The following ST8SIA1 variants were observed in gnomAD, a reference collection of about 807,000 sequenced individuals.
ST8SIA1 encodes the protein ST8 alpha-N-acetyl-neuraminide alpha-2,8-sialyltransferase 1, also known as alpha-N-acetylneuraminide alpha-2,8-sialyltransferase.
In ST8SIA1, 16 loss-of-function variants were observed where a neutral mutation model predicts 35.9. That is an observed-to-expected ratio of 0.45 (90% CI 0.30 to 0.68). The LOEUF (loss-of-function observed/expected upper bound fraction) is 0.68. Ranked by LOEUF, ST8SIA1 falls within the 30% of genes least tolerant of loss-of-function variation. ST8SIA1 has a pLI of 0.09. For synonymous variants in ST8SIA1, 170 were observed against 169.6 expected, an observed-to-expected ratio of 1.00 and a Z score of -0.02; for missense variants, 383 against 453.6, an observed-to-expected ratio of 0.84 and a Z score of 1.41.
At chr12:22,216,301 G>A (rs1222389254) in intron 4 of ST8SIA1, among the ~76,000 whole-genome samples, 6 of 152,278 alleles carry the variant, frequency 3.9e-5, no homozygotes, top group African/African-American at 1.4e-4. Context: ...TTCAGATAAA[G>A]TCTAAGCATG....
intron 1 of ST8SIA1, among the ~76,000 whole-genome samples, chr12:22,318,954 G>C (rs1866551188): frequency 6.6e-6 from 1 of 152,086 alleles, no homozygotes; most frequent in Non-Finnish European, 1.5e-5. Flanking sequence ...GCTCTTTGTG[G>C]CTCAGTTTCT....
intron 4 of ST8SIA1, among the ~76,000 whole-genome samples, chr12:22,237,165 C>T (rs1436350335): frequency 6.6e-6 from 1 of 152,146 alleles, no homozygotes; most frequent in Non-Finnish European, 1.5e-5. Flanking sequence ...GTGGCATGAT[C>T]ACAGCTCACT....
chr12:22,300,395 A>G (rs1014411633), intron 1 of ST8SIA1, among the ~76,000 whole-genome samples: 10 of 152,168 alleles, frequency 6.6e-5, no homozygotes, highest in African/African-American at 1.9e-4. Flanking sequence ...TCAATTCCTC[A>G]GTAAATTAAC....
At chr12:22,272,299 C>G (rs953544180) in intron 2 of ST8SIA1, among the ~76,000 whole-genome samples, 3 of 152,116 alleles carry the variant, frequency 2.0e-5, no homozygotes, top group African/African-American at 7.2e-5. Context: ...AAAAGCAGTC[C>G]TAGGGGATTA....
At chr12:22,279,272 G>T (rs1866006515) in intron 2 of ST8SIA1, among the ~76,000 whole-genome samples, 1 of 152,070 alleles carries the variant, frequency 6.6e-6, no homozygotes, top group East Asian at 1.9e-4. Flanking sequence ...TGGCTTTGAG[G>T]TATGGCTCTA....
intron 1 of ST8SIA1, among the ~76,000 whole-genome samples, chr12:22,315,791 TC>T: frequency 6.9e-6 from 1 of 145,370 alleles, no homozygotes; most frequent in African/African-American, 2.6e-5. Context: ...AAAAAAAAAT[TC>T]CCCTCACAGA....
intron 1 of ST8SIA1, among the ~76,000 whole-genome samples, chr12:22,330,196 C>T (rs2135849020): frequency 6.6e-6 from 1 of 152,284 alleles, no homozygotes. Context: ...CTCCAAACAC[C>T]ACCTCCTCTC....
Position 22,333,784 on chromosome 12 carries a change from T to C in ST8SIA1, c.236+213A>G, listed in dbSNP as rs972570514. The C allele has an allele frequency of 4.0e-6, 3 of 757,916 alleles. No individual in the cohort carries two copies. In the African/African-American group the frequency reaches 5.1e-5, roughly 13 times the overall value. The allele number at this position is 757,916 out of a possible 1,614,324, so 46.9% of individuals were successfully genotyped here. Reference sequence around the variant, plus strand: ...CGAGTCTTTACATGCGCAAAGCAGGTGTCTGCACATCTCTGGGGATCAGGG... The same window carrying C: ...CGAGTCTTTACATGCGCAAAGCAGGCGTCTGCACATCTCTGGGGATCAGGG... On this transcript the variant is annotated intron_variant, in intron 1 of 4. Transcript: ENST00000396037.
intron 2 of ST8SIA1, among the ~76,000 whole-genome samples, chr12:22,261,802 C>T (rs1035660944): frequency 1.3e-5 from 2 of 152,140 alleles, no homozygotes; most frequent in African/African-American, 2.4e-5. Context: ...CTGCCTCACT[C>T]GTGCCTCTTC....
intron 4 of ST8SIA1, among the ~76,000 whole-genome samples, chr12:22,220,407 CAG>C (rs886585185): frequency 1.2e-4 from 19 of 152,034 alleles, no homozygotes; most frequent in African/African-American, 4.6e-4. Context: ...GAGAGAGAGA[CAG>C]AGAAGGAAAA....
At chr12:22,235,084 C>T (rs1865461811) in intron 4 of ST8SIA1, among the ~76,000 whole-genome samples, 1 of 151,812 alleles carries the variant, frequency 6.6e-6, no homozygotes, top group Non-Finnish European at 1.5e-5. Flanking sequence ...TGTGTGTGTC[C>T]AAAGAGATTC....
chr12:22,243,930 T>C lies in ST8SIA1; in HGVS notation c.584+5076A>G, dbSNP rs142022932. Among the ~76,000 whole-genome samples, 947 of 151,932 alleles carry C rather than the reference T, an allele frequency of 6.2e-3. 11 individuals carry two copies. Among genetic ancestry groups the C allele is most frequent in the African/African-American group, 0.021 (862 of 41,442 alleles). On this transcript the variant is annotated intron_variant, in intron 4 of 4. Coordinates refer to ENST00000396037, the MANE Select transcript of ST8SIA1 (RefSeq NM_003034.4). ...CCTGTAATCCCAGCTACTTGGGAGGTTGAAGCAGGAGAATCTCTTGAACCG... is the reference window on the plus strand; with the variant it reads ...CCTGTAATCCCAGCTACTTGGGAGGCTGAAGCAGGAGAATCTCTTGAACCG...
intron 2 of ST8SIA1, among the ~76,000 whole-genome samples, chr12:22,276,083 G>C (rs911783188): frequency 6.6e-6 from 1 of 152,160 alleles, no homozygotes; most frequent in Non-Finnish European, 1.5e-5. Flanking sequence ...ACAACACTGG[G>C]GAGTGATCTT....
At chr12:22,245,847 G>A (rs567306327) in intron 4 of ST8SIA1, among the ~76,000 whole-genome samples, 25 of 152,258 alleles carry the variant, frequency 1.6e-4, no homozygotes, top group East Asian at 1.9e-4. Context: ...CATCAATCAC[G>A]CCTGCTAATG....
In ST8SIA1 at chr12:22,196,863, C is replaced by T. The variant is rs1864995300; in HGVS notation, c.*4689G>A. On this transcript the variant is annotated 3_prime_UTR_variant, in exon 5 of 5. Coordinates refer to ENST00000396037, the MANE Select transcript of ST8SIA1 (RefSeq NM_003034.4). ...AGGTCCTCAGCGAATTTCCACACTA[C>T]CTCTCTAGTCACAATGCTACTAGCT... The T allele has an allele frequency of 6.6e-6, 1 of 152,192 alleles. No homozygotes were observed. Among genetic ancestry groups the T allele is most frequent in the African/African-American group, 2.4e-5 (1 of 41,436 alleles). 9.4% of individuals were successfully genotyped at this position (152,192 alleles called of 1,614,324 possible). A position where few individuals can be genotyped will look rare whatever the true frequency, so the allele number is the denominator to read the frequency against.
At chr12:22,214,396 T>C (rs1222988561) in intron 4 of ST8SIA1, among the ~76,000 whole-genome samples, 1 of 152,082 alleles carries the variant, frequency 6.6e-6, no homozygotes, top group African/African-American at 2.4e-5. Flanking sequence ...GAAATCAGTC[T>C]AGATCATGGG....
chr12:22,271,360 T>G (rs1027742261), intron 2 of ST8SIA1, among the ~76,000 whole-genome samples: 1 of 152,200 alleles, frequency 6.6e-6, no homozygotes, highest in Non-Finnish European at 1.5e-5. Context: ...GATGGAACGA[T>G]AGCATATATA....
In ST8SIA1 at chr12:22,238,727, C is replaced by T. The variant is rs1392173952; in HGVS notation, c.584+10279G>A. On this transcript the variant is annotated intron_variant, in intron 4 of 4. Coordinates refer to ENST00000396037, the MANE Select transcript of ST8SIA1 (RefSeq NM_003034.4). Reference sequence around the variant, plus strand: ...ATTTTCCAGTATTTTAGTTGTCTTTCGTTTTGATCACACAAATCATCTGCA... The same window carrying T: ...ATTTTCCAGTATTTTAGTTGTCTTTTGTTTTGATCACACAAATCATCTGCA... Among the ~76,000 whole-genome samples the T allele has an allele frequency of 2.0e-5, 3 of 152,102 alleles. No homozygotes were observed. The East Asian group carries it at 5.8e-4, about 29-fold the overall frequency.
intron 4 of ST8SIA1, among the ~76,000 whole-genome samples, chr12:22,236,363 G>A (rs1865475858): frequency 6.6e-6 from 1 of 152,246 alleles, no homozygotes; most frequent in South Asian, 2.1e-4. Context: ...CATGCAGAGA[G>A]TGGTTGAACA....
Sources: allele counts gnomAD v4.1 joint callset (sites outside exome capture counted in the v4.1 genomes callset), GRCh38; gene constraint gnomAD v4.1.1; transcripts MANE v1.5; gene names NCBI Gene and HGNC (gene_info 2026-07-23, HGNC 2026-07-21).